Variants in ARHGEF12 observed in about 807,000 individuals in gnomAD.
ARHGEF12 encodes Rho guanine nucleotide exchange factor 12.
In ARHGEF12, 66 loss-of-function variants were observed where a neutral mutation model predicts 211.2. That is an observed-to-expected ratio of 0.31 (90% CI 0.26 to 0.38). ARHGEF12 has a LOEUF of 0.38. Ranked by LOEUF, ARHGEF12 falls within the 10% of genes least tolerant of loss-of-function variation. The pLI, the probability that ARHGEF12 is intolerant of heterozygous loss-of-function variation, is 1.00. For synonymous variants in ARHGEF12, 592 were observed against 638.4 expected (o/e 0.93, Z 1.09); for missense variants, 1,429 against 1,869.5 (o/e 0.76, Z 4.34).
At chr11:120,478,062 GT>G (rs368383611) in intron 36 of ARHGEF12, 93 bp from the exon 37 acceptor site, 9,235 of 635,772 alleles carry the variant, frequency 0.015, no homozygotes, top group Middle Eastern at 0.017. Flanking sequence ...TTTATGGATT[GT>G]TTTTTTTTTT....
intron 1 of ARHGEF12, among the ~76,000 whole-genome samples, chr11:120,372,169 G>C (rs1943607836): frequency 2.0e-5 from 3 of 152,204 alleles, no homozygotes; most frequent in Admixed American, 2.0e-4. Flanking sequence ...ATTAGATAAA[G>C]TAATAGTAAC....
intron 13 of ARHGEF12, among the ~76,000 whole-genome samples, chr11:120,440,795 A>G (rs1945847487): frequency 6.6e-6 from 1 of 152,142 alleles, no homozygotes; most frequent in Non-Finnish European, 1.5e-5. Context: ...GAAAACACTC[A>G]GTCTTTCATC....
At chr11:120,450,128 T>G (rs1946160707) in intron 21 of ARHGEF12, 1 of 152,248 alleles carries the variant, frequency 6.6e-6, no homozygotes, top group Non-Finnish European at 1.5e-5. Context: ...TCCAGCACTT[T>G]GCAAGGCCAA....
intron 1 of ARHGEF12, among the ~76,000 whole-genome samples, chr11:120,340,959 G>A (rs1942517207): frequency 6.6e-6 from 1 of 152,224 alleles, no homozygotes; most frequent in Non-Finnish European, 1.5e-5. Context: ...AAGGTGACAA[G>A]AGAAGCTTTA....
At chr11:120,340,604 G>A (rs368218291) in intron 1 of ARHGEF12, among the ~76,000 whole-genome samples, 2 of 151,102 alleles carry the variant, frequency 1.3e-5, no homozygotes, top group African/African-American at 4.9e-5. Flanking sequence ...TAATGGTTTT[G>A]ATTAAAAAAA....
chr11:120,484,392 T>C, intron 39 of ARHGEF12, 46 bp from the exon 40 acceptor site: 4 of 1,561,920 alleles, frequency 2.6e-6, no homozygotes, highest in Non-Finnish European at 3.5e-6. Context: ...TGTTTTGTTT[T>C]GTTTCATTAC....
At position 120,473,111 on chromosome 11, in the gene ARHGEF12, A is replaced by C; in HGVS notation, c.3017A>C (p.Asn1006Thr). ...TSSLKLSEYP[N>T]VEELRNLDLT... is the part of the protein sequence containing the mutation. The stretch of plus-strand genomic sequence containing the variant: ...AGCCTGAAGTTGTCAGAGTACCCAA[A>C]TGTTGAAGAGCTCAGGGTGAGAGAT... Residue 1006 changes from asparagine to threonine, a missense_variant, in exon 31 of 41, where the codon AAT (asparagine) becomes ACT (threonine). This residue lies in a region of ARHGEF12 where 223 missense variants were observed against 444.6 expected (regional missense o/e 0.50). Transcript: ENST00000397843. The C allele has an allele frequency of 6.2e-7, 1 of 1,613,450 alleles. No individual in the cohort carries two copies. Among genetic ancestry groups the C allele is most frequent in the Non-Finnish European group, 8.5e-7 (1 of 1,179,648 alleles).
intron 1 of ARHGEF12, among the ~76,000 whole-genome samples, chr11:120,366,551 T>C (rs1202382643): frequency 6.6e-6 from 1 of 152,174 alleles, no homozygotes; most frequent in Non-Finnish European, 1.5e-5. Flanking sequence ...TGGAGTTCCT[T>C]TTTCTTCCAC....
chr11:120,484,420 A>T lies in ARHGEF12; in HGVS notation c.4555-18A>T. The T allele has an allele frequency of 6.2e-7, 1 of 1,609,970 alleles. No individual in the cohort carries two copies. The highest frequency in any genetic ancestry group is 1.1e-5 in the South Asian group (1 of 90,300). ...TTCATTACGTTTGAATAAAAAACCT[A>T]TGGGTTTTATTTCACAGAAGGTGGA... On this transcript the variant is annotated intron_variant, in intron 39 of 40. Coordinates refer to ENST00000397843, the MANE Select transcript of ARHGEF12 (RefSeq NM_015313.3).
chr11:120,457,484 A>G, intron 23 of ARHGEF12: 1 of 434,842 alleles, frequency 2.3e-6, no homozygotes, highest in Non-Finnish European at 3.9e-6. Context: ...AATAAAATAA[A>G]TAAATAAATA....
intron 1 of ARHGEF12, among the ~76,000 whole-genome samples, chr11:120,390,860 G>T (rs996409173): frequency 2.0e-5 from 3 of 152,044 alleles, no homozygotes; most frequent in African/African-American, 7.2e-5. Flanking sequence ...TAACTTCTCA[G>T]AACCTCACAT....
At chr11:120,437,830 T>TATC (rs1360689922) in intron 12 of ARHGEF12, among the ~76,000 whole-genome samples, 2 of 152,234 alleles carry the variant, frequency 1.3e-5, no homozygotes, top group Non-Finnish European at 2.9e-5. Flanking sequence ...ATACAATGTT[T>TATC]ATCCGTTCAT....
Position 120,456,984 on chromosome 11 carries a change from A to C in ARHGEF12, c.2057-134A>C. The C allele has an allele frequency of 4.1e-6, 3 of 727,118 alleles. No homozygotes were observed. In the South Asian group the frequency reaches 6.4e-5, roughly 16 times the overall value. 45.0% of individuals were successfully genotyped at this position (727,118 alleles called of 1,614,324 possible). Reference sequence around the variant, plus strand: ...TTTTGTATATTAAATTTTTAGTTCTAGTGAACCTGCAGTTGTTTAAATAAG... The same window carrying C: ...TTTTGTATATTAAATTTTTAGTTCTCGTGAACCTGCAGTTGTTTAAATAAG... On this transcript the variant is annotated intron_variant, in intron 22 of 40. Transcript: ENST00000397843.
intron 1 of ARHGEF12, among the ~76,000 whole-genome samples, chr11:120,357,360 T>G (rs1943158623): frequency 6.6e-6 from 1 of 152,180 alleles, no homozygotes; most frequent in African/African-American, 2.4e-5. Context: ...AATCAGATAC[T>G]GTTTCTGCCT....
intron 29 of ARHGEF12, 48 bp from the exon 30 acceptor site, chr11:120,469,240 G>T (rs1946799304): frequency 7.1e-7 from 1 of 1,412,046 alleles, no homozygotes; most frequent in Non-Finnish European, 9.8e-7. Context: ...ATATTTTATG[G>T]TTTTTTGCTC....
chr11:120,475,350 G>A lies in ARHGEF12; in HGVS notation c.3120G>A (p.Thr1040=), dbSNP rs1169492098. The A allele has an allele frequency of 6.2e-6, 10 of 1,613,530 alleles. No individual in the cohort carries two copies. The highest frequency in any genetic ancestry group is 2.2e-5 in the East Asian group (1 of 44,852). Residue 1040 remains threonine (T), a synonymous_variant, in exon 33 of 41, where the codon ACG becomes ACA. Transcript: ENST00000397843. ...VNRDKTIDLY[T]LLLEDILVLL... is the part of the protein sequence containing the mutation. ...CACTTTTATTTCTAGATTTATACAC[G>A]TTGCTGCTGGAAGACATTCTTGTAT...
chr11:120,442,427 T>TACACACACAC, intron 15 of ARHGEF12, among the ~76,000 whole-genome samples: 1 of 144,004 alleles, frequency 6.9e-6, no homozygotes, highest in African/African-American at 2.6e-5. Flanking sequence ...TATATATATA[T>TACACACACAC]ACACACACAC....
chr11:120,414,525 A>G (rs1442661875), intron 4 of ARHGEF12, among the ~76,000 whole-genome samples: 3 of 152,178 alleles, frequency 2.0e-5, no homozygotes, highest in Non-Finnish European at 4.4e-5. Context: ...AGGCATAGAG[A>G]TACAAAGATA....
intron 1 of ARHGEF12, among the ~76,000 whole-genome samples, chr11:120,361,272 C>T (rs1005168152): frequency 3.3e-5 from 5 of 152,142 alleles, no homozygotes; most frequent in South Asian, 4.1e-4. Context: ...TTGCTGGGGA[C>T]GCATTAGATT....
Sources: allele counts gnomAD v4.1 joint callset (sites outside exome capture counted in the v4.1 genomes callset), GRCh38; gene constraint gnomAD v4.1.1; regional missense constraint gnomAD v4.1.1; transcripts MANE v1.5; gene names NCBI Gene and HGNC (gene_info 2026-07-23, HGNC 2026-07-21).